C4orf51: variants seen among roughly 807,000 people sequenced by gnomAD.
C4orf51 encodes chromosome 4 open reading frame 51.
In C4orf51, 25 loss-of-function variants were observed where a neutral mutation model predicts 25.2. The ratio of observed to expected loss-of-function variants is 0.99; its 90% CI spans 0.72 to 1.39. C4orf51 has a LOEUF of 1.39. Among genes scored for constraint, C4orf51 ranks in the 40% most tolerant of loss-of-function variants. The pLI is 0.00. For synonymous variants in C4orf51, 100 were observed against 84.5 expected (o/e 1.18, Z -1.01); for missense variants, 252 against 239.6 (o/e 1.05, Z -0.34).
At chr4:145,680,507 G>A in intron 1 of C4orf51, 71 bp downstream of exon 1, 1 of 1,156,038 alleles carries the variant, frequency 8.7e-7, no homozygotes, top group Non-Finnish European at 1.3e-6. Context: ...AGAAGAAAGA[G>A]GTATTGTAGA....
downstream of C4orf51, among the ~76,000 whole-genome samples, chr4:145,755,536 A>AC (rs1269650903): frequency 1.3e-5 from 2 of 152,208 alleles, no homozygotes; most frequent in Admixed American, 1.3e-4. Flanking sequence ...GCAGGATCTG[A>AC]ATTTTCCTGT....
chr4:145,738,636 A>C (rs1732938658), intron 1 of C4orf51, among the ~76,000 whole-genome samples: 1 of 151,890 alleles, frequency 6.6e-6, no homozygotes, highest in Non-Finnish European at 1.5e-5. Context: ...TGAATTATAT[A>C]ATCAATTATT....
the C4orf51 span, chr4:145,779,514 G>A: frequency 6.2e-7 from 1 of 1,612,136 alleles, no homozygotes. Context: ...TTCTGTTTCT[G>A]GGTCAAAAGA....
At chr4:145,751,328 T>C (rs1243122237) in intron 1 of C4orf51, among the ~76,000 whole-genome samples, 1 of 152,294 alleles carries the variant, frequency 6.6e-6, no homozygotes, top group Middle Eastern at 3.4e-3. Context: ...AGTGTTGTGA[T>C]CTAATTTGTA....
At chr4:145,715,120 A>G (rs913960263) in intron 2 of C4orf51, among the ~76,000 whole-genome samples, 5 of 152,152 alleles carry the variant, frequency 3.3e-5, no homozygotes, top group African/African-American at 1.2e-4. Flanking sequence ...CTACAGGGGA[A>G]GGGGTAGTGA....
At chr4:145,745,338 G>A (rs1240416867) in intron 1 of C4orf51, among the ~76,000 whole-genome samples, 1 of 55,298 alleles carries the variant, frequency 1.8e-5, no homozygotes, top group Non-Finnish European at 3.5e-5. Flanking sequence ...TTTTTTTTTT[G>A]GTACCCATTA....
chr4:145,762,131 A>G lies in C4orf51; in HGVS notation n.167-8857A>G, dbSNP rs1006707140. Among the ~76,000 whole-genome samples the G allele has an allele frequency of 6.6e-6, 1 of 152,150 alleles. No individual in the cohort carries two copies. Among genetic ancestry groups the G allele is most frequent in the Non-Finnish European group, 1.5e-5 (1 of 68,014 alleles). On this transcript the variant is annotated intron_variant and non_coding_transcript_variant, in intron 1 of 1. Transcript: ENST00000510096. This position sits in a 1 kb window ranked among gnomAD's most constrained non-coding sequence, Gnocchi z 4.9. ...CAAACAGAAAGTCACAGGGGTCAGAATCGTGCTTATTAAGGGTTTGTTAGG... is the reference window on the plus strand; with the variant it reads ...CAAACAGAAAGTCACAGGGGTCAGAGTCGTGCTTATTAAGGGTTTGTTAGG...
chr4:145,776,459 T>C, the C4orf51 span, among the ~76,000 whole-genome samples: 1 of 138,068 alleles, frequency 7.2e-6, no homozygotes, highest in East Asian at 2.0e-4. Context: ...AAACCTTGTT[T>C]CAAAAAAAAG....
At chr4:145,695,465 GA>G (rs1379692049) in intron 1 of C4orf51, among the ~76,000 whole-genome samples, 4 of 151,964 alleles carry the variant, frequency 2.6e-5, no homozygotes, top group Non-Finnish European at 4.4e-5. Flanking sequence ...AGTCCCTTTA[GA>G]TGCCAGATAT....
downstream of C4orf51, chr4:145,775,994 G>C: frequency 6.2e-7 from 1 of 1,611,660 alleles, no homozygotes; most frequent in Non-Finnish European, 8.5e-7. Flanking sequence ...AGCCCAAATC[G>C]CTTTCAAAAA....
chr4:145,729,660 T>C (rs1732351990), intron 4 of C4orf51, among the ~76,000 whole-genome samples: 2 of 152,204 alleles, frequency 1.3e-5, no homozygotes, highest in Admixed American at 6.5e-5. Context: ...GGCACCCACA[T>C]TGTTACATCA....
chr4:145,746,544 G>C (rs1733381681), intron 1 of C4orf51, among the ~76,000 whole-genome samples: 1 of 151,912 alleles, frequency 6.6e-6, no homozygotes, highest in Non-Finnish European at 1.5e-5. Context: ...ACATGTTTCT[G>C]GTTCTCTATT....
At position 145,680,256 on chromosome 4, in the gene C4orf51, T is replaced by C. The variant is rs751687229; in HGVS notation, c.53T>C (p.Leu18Pro). The C allele has an allele frequency of 2.5e-6, 4 of 1,614,000 alleles. No homozygotes were observed. Among genetic ancestry groups the C allele is most frequent in the South Asian group, 1.1e-5 (1 of 91,086 alleles). The change falls in exon 1 of 6, where the codon CTT becomes CCT. Residue 18 changes from leucine (L) to proline (P), a missense_variant. Physicochemically the swap from Leu to Pro is moderately conservative, Grantham distance 98. Coordinates refer to ENST00000438731, the MANE Select transcript of C4orf51 (RefSeq NM_001080531.3). ...CAAATTCTTCTGCCCTTTAGCCCTC[T>C]TACTTCTCAAGAGTTTGATCTGATC... ...TPQILLPFSP[L>P]TSQEFDLIRR...
Position 145,692,953 on chromosome 4 carries a change from G to GTTTTTTTTTTTTTTTTT in C4orf51, c.234-3596_234-3580dup, listed in dbSNP as rs202227019. Among the ~76,000 whole-genome samples, 18 of 100,998 alleles carry GTTTTTTTTTTTTTTTTT rather than the reference G, an allele frequency of 1.8e-4. 1 individual carries two copies. The highest frequency in any genetic ancestry group is 3.2e-4 in the Non-Finnish European group (16 of 50,150). 66.3% of individuals were successfully genotyped at this position (100,998 alleles called of 152,430 possible). ...TTACTCCGCTGATATTAAGTTTTTA[G>GTTTTTTTTTTTTTTTTT]TTTTTTTTTTTTTTTTTTTTTTTTT... On this transcript the variant is annotated intron_variant, in intron 1 of 5. Coordinates refer to ENST00000438731, the MANE Select transcript of C4orf51 (RefSeq NM_001080531.3).
intron 1 of C4orf51, among the ~76,000 whole-genome samples, chr4:145,751,758 G>A (rs1163351825): frequency 6.6e-6 from 1 of 152,228 alleles, no homozygotes; most frequent in African/African-American, 2.4e-5. Flanking sequence ...GGCAGGCCCA[G>A]AGATGCTCTT....
chr4:145,713,545 A>G lies in C4orf51; in HGVS notation c.308-13366A>G, dbSNP rs900988368. Among the ~76,000 whole-genome samples the G allele has an allele frequency of 3.3e-5, 5 of 152,234 alleles. No individual in the cohort carries two copies. The East Asian group carries it at 5.8e-4, about 18-fold the overall frequency. ...CCTAAGGATGTAACTGAATTGCTGC[A>G]ATCTCATAATACAACTTTAATAGGT... On this transcript the variant is annotated intron_variant, in intron 2 of 5. Transcript: ENST00000438731.
chr4:145,713,571 G>A (rs1731243784), intron 2 of C4orf51, among the ~76,000 whole-genome samples: 1 of 152,188 alleles, frequency 6.6e-6, no homozygotes, highest in African/African-American at 2.4e-5. Context: ...TTTAATAGGT[G>A]AGGAGTTCTT....
chr4:145,713,304 A>C (rs1731230967), intron 2 of C4orf51, among the ~76,000 whole-genome samples: 1 of 152,354 alleles, frequency 6.6e-6, no homozygotes, highest in Admixed American at 6.5e-5. Context: ...ATCTGAGCAA[A>C]GTAAGTTGAA....
chr4:145,765,312 G>T lies in C4orf51; in HGVS notation n.167-5676G>T. On this transcript the variant is annotated intron_variant and non_coding_transcript_variant, in intron 1 of 1. Coordinates refer to the C4orf51 transcript ENST00000510096. The surrounding 1 kb of genome is among the most constrained non-coding windows in gnomAD (Gnocchi z 4.7). ...CAGGCACTGTTCCCCATATCTCTGT[G>T]CTAAAAGGAGTTAAATGTACAAACA... is the stretch of plus-strand genomic sequence containing the variant. 2 of 1,011,622 alleles carry T rather than the reference G, an allele frequency of 2.0e-6. No individual in the cohort carries two copies. Among genetic ancestry groups the T allele is most frequent in the South Asian group, 1.7e-5 (1 of 57,782 alleles). The allele number at this position is 1,011,622 out of a possible 1,614,324, so 62.7% of individuals were successfully genotyped here. A position where few individuals can be genotyped will look rare whatever the true frequency, so the allele number is the denominator to read the frequency against.
Sources: allele counts gnomAD v4.1 joint callset (sites outside exome capture counted in the v4.1 genomes callset), GRCh38; gene constraint gnomAD v4.1.1; non-coding constraint Gnocchi (gnomAD v3.1); transcripts MANE v1.5; gene names NCBI Gene and HGNC (gene_info 2026-07-23, HGNC 2026-07-21).